NRXN3: variants seen among roughly 807,000 people sequenced by gnomAD.
The protein encoded by NRXN3 is neurexin III.
A neutral mutation model predicts 137.6 loss-of-function variants in NRXN3; 32 were observed. That is an observed-to-expected ratio of 0.23 (90% confidence interval 0.18 to 0.31). NRXN3 has a LOEUF of 0.31. NRXN3 is among the 10% of genes least tolerant of loss of function. NRXN3 has a pLI of 1.00. For missense variants in NRXN3, 1,574 were observed against 2,062.5 expected, an observed-to-expected ratio of 0.76 and a Z score of 4.59; for synonymous variants, 798 against 784.5, an observed-to-expected ratio of 1.02 and a Z score of -0.29.
intron 6 of NRXN3, among the ~76,000 whole-genome samples, chr14:78,657,304 A>G (rs1299408137): frequency 1.3e-5 from 2 of 152,188 alleles, no homozygotes; most frequent in African/African-American, 2.4e-5. Context: ...TAGGGTCCCC[A>G]TCAGGCTACT....
At chr14:78,927,939 C>T (rs1009641172) in intron 10 of NRXN3, among the ~76,000 whole-genome samples, 1 of 152,116 alleles carries the variant, frequency 6.6e-6, no homozygotes, top group African/African-American at 2.4e-5. Flanking sequence ...AGGGAGTCCT[C>T]TGCCTGGGGG....
chr14:79,784,376 C>G (rs1160502449), intron 19 of NRXN3, among the ~76,000 whole-genome samples: 2 of 152,164 alleles, frequency 1.3e-5, no homozygotes, highest in Non-Finnish European at 2.9e-5. Flanking sequence ...TCAGAAATCT[C>G]TTTAAATTAG....
intron 15 of NRXN3, among the ~76,000 whole-genome samples, chr14:79,123,164 C>A (rs1165863121): frequency 6.6e-6 from 1 of 152,110 alleles, no homozygotes; most frequent in Non-Finnish European, 1.5e-5. Flanking sequence ...CTGGTTGACT[C>A]CTGTCCATCC....
chr14:78,993,674 A>G (rs1439128540), intron 15 of NRXN3, among the ~76,000 whole-genome samples: 1 of 152,096 alleles, frequency 6.6e-6, no homozygotes, highest in Non-Finnish European at 1.5e-5. Context: ...AAGACCTTCT[A>G]GTCTAATGGG....
Position 79,685,026 on chromosome 14 carries a change from G to A in NRXN3, c.3617-7147G>A, listed in dbSNP as rs543601958. Among the ~76,000 whole-genome samples, 38 of 152,276 alleles carry A rather than the reference G, an allele frequency of 2.5e-4. 2 individuals are homozygous for A. In the South Asian group the frequency reaches 7.9e-3, roughly 32 times the overall value. Reference sequence around the variant, plus strand: ...TGGGGAAATCTTGAAGGGATCATATGTCAAACGGCTGAAGAGCAAACATTA... The same window carrying A: ...TGGGGAAATCTTGAAGGGATCATATATCAAACGGCTGAAGAGCAAACATTA... On this transcript the variant is annotated intron_variant, in intron 17 of 20. Transcript: ENST00000335750.
chr14:78,627,799 T>A (rs1198831263), intron 4 of NRXN3, among the ~76,000 whole-genome samples: 4 of 152,228 alleles, frequency 2.6e-5, no homozygotes, highest in Non-Finnish European at 4.4e-5. Context: ...GCACTTTTCA[T>A]AGATAATATC....
At chr14:79,541,231 T>G (rs150966991) in intron 16 of NRXN3, among the ~76,000 whole-genome samples, 2 of 152,286 alleles carry the variant, frequency 1.3e-5, no homozygotes, top group East Asian at 3.9e-4. Flanking sequence ...GGTGAAACCC[T>G]GTCTCTACTA....
At chr14:78,994,873 T>A (rs2099526803) in intron 15 of NRXN3, among the ~76,000 whole-genome samples, 1 of 152,180 alleles carries the variant, frequency 6.6e-6, no homozygotes, top group African/African-American at 2.4e-5. Flanking sequence ...CTAGGACCTT[T>A]ATAAGGATAT....
chr14:78,943,309 G>A (rs1392394037), intron 10 of NRXN3, among the ~76,000 whole-genome samples: 1 of 151,990 alleles, frequency 6.6e-6, no homozygotes, highest in Non-Finnish European at 1.5e-5. Flanking sequence ...TATGCTTGGC[G>A]ATTTGCAGAT....
chr14:79,506,751 T>A (rs2096882807), intron 16 of NRXN3, among the ~76,000 whole-genome samples: 1 of 152,124 alleles, frequency 6.6e-6, no homozygotes, highest in Non-Finnish European at 1.5e-5. Context: ...ACCTTTCATC[T>A]AGGGGAAAGA....
At chr14:79,543,542 T>C (rs2097292929) in intron 16 of NRXN3, among the ~76,000 whole-genome samples, 1 of 152,144 alleles carries the variant, frequency 6.6e-6, no homozygotes, top group South Asian at 2.1e-4. Context: ...ATCAGGGTGA[T>C]TGGGCTTGGG....
At chr14:78,701,035 G>A (rs2098273267) in intron 6 of NRXN3, among the ~76,000 whole-genome samples, 1 of 152,106 alleles carries the variant, frequency 6.6e-6, no homozygotes, top group African/African-American at 2.4e-5. Flanking sequence ...CTCCCAAAGT[G>A]TTGGGATTAC....
At chr14:79,850,334 C>T (rs1039559454) in intron 20 of NRXN3, among the ~76,000 whole-genome samples, 1 of 152,124 alleles carries the variant, frequency 6.6e-6, no homozygotes, top group African/African-American at 2.4e-5. Flanking sequence ...CTCACTGGGG[C>T]CTTCCTCTTG....
At chr14:79,033,923 C>A (rs188007827) in intron 15 of NRXN3, among the ~76,000 whole-genome samples, 32 of 152,202 alleles carry the variant, frequency 2.1e-4, no homozygotes, top group African/African-American at 7.5e-4. Context: ...GCTATTAGAA[C>A]CTGTCTCCAT....
chr14:79,748,837 G>A (rs996091261), intron 19 of NRXN3, among the ~76,000 whole-genome samples: 2 of 151,926 alleles, frequency 1.3e-5, no homozygotes, highest in Non-Finnish European at 2.9e-5. Context: ...GACTGACAGA[G>A]AGAAGGAACC....
intron 15 of NRXN3, among the ~76,000 whole-genome samples, chr14:79,363,004 ATTT>A (rs11368184): frequency 9.1e-5 from 13 of 143,082 alleles, no homozygotes; most frequent in African/African-American, 1.5e-4. Context: ...TAGAATTGGA[ATTT>A]TTTTTTTTTT....
chr14:79,017,675 G>A (rs1196382923), intron 15 of NRXN3, among the ~76,000 whole-genome samples: 9 of 152,068 alleles, frequency 5.9e-5, no homozygotes, highest in Admixed American at 5.9e-4. Context: ...ATATAATGAG[G>A]GAGATATAGT....
chr14:79,432,432 T>C (rs1336031256), intron 15 of NRXN3, among the ~76,000 whole-genome samples: 1 of 152,170 alleles, frequency 6.6e-6, no homozygotes, highest in Non-Finnish European at 1.5e-5. Flanking sequence ...TGTAAAGTAC[T>C]ATTATTTTCT....
intron 16 of NRXN3, among the ~76,000 whole-genome samples, chr14:79,594,193 T>C (rs2097840159): frequency 6.6e-6 from 1 of 152,214 alleles, no homozygotes; most frequent in South Asian, 2.1e-4. Flanking sequence ...TTAGAAATAA[T>C]GTCTAAGTAT....
Sources: gnomAD v4.1 joint callset for allele counts (sites outside exome capture counted in the v4.1 genomes callset) on GRCh38, gnomAD v4.1.1 for gene constraint, MANE v1.5 for transcripts, NCBI Gene and HGNC (gene_info 2026-07-23, HGNC 2026-07-21) for gene names.